The following ENG variants were observed in gnomAD, a reference collection of about 807,000 sequenced individuals.
ENG encodes the protein endoglin.
A neutral mutation model predicts 71.0 loss-of-function variants in ENG; 17 were observed. The observed-to-expected ratio is 0.24, with a 90% CI of 0.16 to 0.36. The LOEUF (loss-of-function observed/expected upper bound fraction) is 0.36, where lower values mean the gene tolerates loss of function less well. ENG is among the 10% of genes least tolerant of loss of function. The pLI is 1.00. For missense variants in ENG, 749 were observed against 868.3 expected (o/e 0.86, Z 1.73); for synonymous variants, 360 against 366.9 (o/e 0.98, Z 0.21).
Position 127,817,760 on chromosome 9 carries a change from T to C in ENG, c.1686+360A>G, listed in dbSNP as rs188239323. On this transcript the variant is annotated intron_variant, in intron 12 of 14. Coordinates refer to ENST00000373203, the MANE Select transcript of ENG (RefSeq NM_001114753.3). ...CTTTGTCCGCCTCTCTTCCCTCAGG[T>C]CTCCTGTTCTTTGAGATTACACTGG... is the stretch of plus-strand genomic sequence containing the variant. 5 of 415,124 alleles carry C rather than the reference T, an allele frequency of 1.2e-5. No individual in the cohort carries two copies. The East Asian group carries it at 2.0e-4, about 17-fold the overall frequency. 25.7% of individuals were successfully genotyped at this position (415,124 alleles called of 1,614,324 possible).
intron 2 of ENG, among the ~76,000 whole-genome samples, chr9:127,832,057 T>C (rs911416627): frequency 6.8e-6 from 1 of 146,462 alleles, no homozygotes; most frequent in African/African-American, 2.5e-5. Context: ...ATTACAGACA[T>C]GAGCTACCAT....
At chr9:127,845,880 A>T (rs1055326620) in intron 1 of ENG, among the ~76,000 whole-genome samples, 11 of 151,836 alleles carry the variant, frequency 7.2e-5, no homozygotes, top group Admixed American at 1.3e-4. Context: ...CTAATTTTTT[A>T]AATTTTCAGT....
Position 127,824,445 on chromosome 9 carries a change from A to G in ENG, c.993T>C (p.Gly331=). 6.2e-7 allele frequency: 1 copy of G among 1,600,426 alleles called. No individual in the cohort carries two copies. Among genetic ancestry groups the G allele is most frequent in the Non-Finnish European group, 8.5e-7 (1 of 1,174,046 alleles). The part of the protein sequence containing the change: ...SIVSLHASSC[G]GRLQTSPAPI... The stretch of plus-strand genomic sequence containing the variant: ...GTGCGGGTGAGGTCTGCAGCCTACC[A>G]CCTGTGGGGTAGCAGAGGCAGGCCA... The change falls in exon 8 of 15, where the codon GGT becomes GGC. Residue 331 remains glycine, a splice_region_variant and synonymous_variant. Transcript: ENST00000373203.
chr9:127,816,114 T>TG, intron 13 of ENG, 61 bp from the exon 14 acceptor site: 2 of 1,570,224 alleles, frequency 1.3e-6, no homozygotes, highest in East Asian at 2.3e-5. Flanking sequence ...CCTACCCTGT[T>TG]GTGCTGGCCC....
At position 127,846,270 on chromosome 9, in the gene ENG, G is replaced by A. The variant is rs1020085268; in HGVS notation, c.68-3025C>T. 6.6e-6 allele frequency among the ~76,000 whole-genome samples: 1 copy of A among 152,160 alleles called. No homozygotes were observed. ...CTCCTTTCCTCATCGGTGAGCGCAG[G>A]TTCCTTGGCTGTTACCTAGCTTAAG... On this transcript the variant is annotated intron_variant, in intron 1 of 14. Transcript: ENST00000373203. This position sits in a 1 kb window ranked among gnomAD's most constrained non-coding sequence, Gnocchi z 5.5.
rs1361927904 is a variant in ENG at position 127,836,993 on chromosome 9, C to T, written c.219+6101G>A. 2.0e-5 allele frequency among the ~76,000 whole-genome samples: 3 copies of T among 152,134 alleles called. No individual in the cohort carries two copies. The highest frequency in any genetic ancestry group is 4.4e-5 in the Non-Finnish European group (3 of 68,026). On this transcript the variant is annotated intron_variant, in intron 2 of 14. Coordinates refer to ENST00000373203, the MANE Select transcript of ENG (RefSeq NM_001114753.3). The surrounding 1 kb of genome is among the most constrained non-coding windows in gnomAD (Gnocchi z 4.0). ...AGTAGAGACGGGGTTTCGCCCATGT[C>T]GGCCAGGCTGGTCTCGAACTCCTGA...
chr9:127,826,409 C>T, intron 4 of ENG, 101 bp downstream of exon 4: 2 of 1,497,480 alleles, frequency 1.3e-6, no homozygotes. Flanking sequence ...AGCGTGTCCC[C>T]TCCTGCACTC....
chr9:127,842,320 G>C (rs1008128460), intron 2 of ENG, among the ~76,000 whole-genome samples: 1 of 151,136 alleles, frequency 6.6e-6, no homozygotes, highest in Non-Finnish European at 1.5e-5. Flanking sequence ...TCCACCTCCT[G>C]GGTTCAAGCG....
chr9:127,837,401 T>G (rs41336944), intron 2 of ENG, among the ~76,000 whole-genome samples: 565 of 152,200 alleles, frequency 3.7e-3, no homozygotes, highest in African/African-American at 0.013. Context: ...CAGAGTGGGT[T>G]TTCAGAATGC....
intron 2 of ENG, among the ~76,000 whole-genome samples, chr9:127,834,267 G>C (rs1588589796): frequency 6.7e-6 from 1 of 149,224 alleles, no homozygotes; most frequent in South Asian, 2.1e-4. Context: ...TTTTGAGATG[G>C]AGTCTTGCTC....
In ENG at chr9:127,819,985, G is replaced by C; in HGVS notation, c.1187C>G (p.Ala396Gly). ...GLTFWDPSCE[A>G]EDRGDKFVLR... ...GACAAACTTGTCACCCCTGTCCTCT[G>C]CCTCACAGCTGGGGTCCCAGAAGGT... Residue 396 changes from alanine to glycine, a missense_variant, in exon 9 of 15, where the codon GCA becomes GGA. Physicochemically the swap from Ala to Gly is moderately conservative, Grantham distance 60. Transcript: ENST00000373203. 6.2e-7 allele frequency: 1 copy of C among 1,614,156 alleles called. No homozygotes were observed. The highest frequency in any genetic ancestry group is 8.5e-7 in the Non-Finnish European group (1 of 1,180,038).
intron 3 of ENG, among the ~76,000 whole-genome samples, chr9:127,827,472 G>A (rs928560291): frequency 1.3e-5 from 2 of 152,102 alleles, no homozygotes; most frequent in African/African-American, 4.8e-5. Context: ...GGGGTGAGGA[G>A]GAAAGCAGAC....
intron 2 of ENG, among the ~76,000 whole-genome samples, chr9:127,840,322 G>A (rs1330199950): frequency 3.9e-5 from 6 of 152,214 alleles, no homozygotes; most frequent in African/African-American, 7.2e-5. Flanking sequence ...GGGGCCAGAC[G>A]CAGTGGCTCA....
chr9:127,815,614 G>T lies in ENG; in HGVS notation c.*68C>A. ...AGTGGAGGACTGGCTCCCAGGGTGA[G>T]TTCACACCAGTGCTCCCAGCTGGCG... On this transcript the variant is annotated 3_prime_UTR_variant, in exon 15 of 15. Coordinates refer to ENST00000373203, the MANE Select transcript of ENG (RefSeq NM_001114753.3). 6.5e-7 allele frequency: 1 copy of T among 1,528,356 alleles called. No homozygotes were observed. The highest frequency in any genetic ancestry group is 2.4e-5 in the East Asian group (1 of 40,932). 94.7% of individuals were successfully genotyped at this position (1,528,356 alleles called of 1,614,324 possible).
rs761939575 is a variant in ENG at position 127,824,416 on chromosome 9, A to G, written c.1022T>C (p.Ile341Thr). ...GGRLQTSPAP[I>T]QTTPPKDTCS... ...AGTGTCCTTGGGAGGAGTGGTCTGGATCGGTGCGGGTGAGGTCTGCAGCCT... is the reference window on the plus strand; with the variant it reads ...AGTGTCCTTGGGAGGAGTGGTCTGGGTCGGTGCGGGTGAGGTCTGCAGCCT... Residue 341 changes from isoleucine (I) to threonine (T), a missense_variant, in exon 8 of 15, where the codon ATC becomes ACC. Physicochemically the swap from Ile to Thr is moderately conservative, Grantham distance 89 (BLOSUM62 -1). Transcript: ENST00000373203. The G allele has an allele frequency of 6.3e-7, 1 of 1,589,728 alleles. No individual in the cohort carries two copies. The highest frequency in any genetic ancestry group is 1.1e-5 in the South Asian group (1 of 90,454).
intron 2 of ENG, among the ~76,000 whole-genome samples, chr9:127,834,467 C>T (rs762251118): frequency 1.8e-4 from 28 of 151,810 alleles, no homozygotes; most frequent in Admixed American, 3.9e-4. Context: ...TAAAGTACAG[C>T]GATCTCTGCT....
At chr9:127,833,841 A>T (rs1286949546) in intron 2 of ENG, among the ~76,000 whole-genome samples, 2 of 152,252 alleles carry the variant, frequency 1.3e-5, no homozygotes, top group Non-Finnish European at 2.9e-5. Context: ...TCTGTTACTC[A>T]ATAATGATAC....
intron 2 of ENG, among the ~76,000 whole-genome samples, chr9:127,842,762 G>A (rs773431953): frequency 4.6e-5 from 7 of 152,210 alleles, no homozygotes; most frequent in Non-Finnish European, 1.0e-4. Context: ...CTAGAGAGGA[G>A]CTGCATTCTT....
chr9:127,848,027 A>G (rs1354218943), intron 1 of ENG, among the ~76,000 whole-genome samples: 2 of 152,168 alleles, frequency 1.3e-5, no homozygotes, highest in Admixed American at 6.6e-5. Flanking sequence ...TTCCATCCTC[A>G]GTGTTCTCAT....
Sources: gnomAD v4.1 joint callset for allele counts (sites outside exome capture counted in the v4.1 genomes callset) on GRCh38, gnomAD v4.1.1 for gene constraint, Gnocchi (gnomAD v3.1) non-coding constraint, MANE v1.5 for transcripts, NCBI Gene and HGNC (gene_info 2026-07-23, HGNC 2026-07-21) for gene names.